Variants in PTPN14 observed in about 807,000 individuals in gnomAD.
PTPN14 encodes tyrosine-protein phosphatase non-receptor type 14.
PTPN14 carries 53 observed loss-of-function variants against 126.8 expected under a neutral mutation model. That is an observed-to-expected ratio of 0.42 (90% CI 0.34 to 0.53). PTPN14 has a LOEUF of 0.53. Among genes scored for constraint, PTPN14 ranks in the 20% least tolerant of loss-of-function variants. The probability of loss-of-function intolerance (pLI) is 0.08; values close to 1 mark genes in which losing one functional copy is unlikely to be tolerated. For missense variants in PTPN14, 1,257 were observed against 1,552.9 expected (o/e 0.81, Z 3.20); for synonymous variants, 630 against 599.3 (o/e 1.05, Z -0.75).
intron 3 of PTPN14, among the ~76,000 whole-genome samples, chr1:214,443,043 G>A (rs895628813): frequency 2.0e-5 from 3 of 152,014 alleles, no homozygotes; most frequent in South Asian, 2.1e-4. Flanking sequence ...GACTGGTCTC[G>A]AACTCCCGAC....
chr1:214,414,820 T>A, intron 3 of PTPN14, 94 bp from the exon 4 acceptor site: 1 of 985,546 alleles, frequency 1.0e-6, no homozygotes, highest in South Asian at 1.3e-5. Flanking sequence ...AAACCTTGTG[T>A]ACACAGCAGG....
chr1:214,467,976 G>T (rs1028914979), intron 1 of PTPN14, among the ~76,000 whole-genome samples: 1 of 151,684 alleles, frequency 6.6e-6, no homozygotes, highest in Non-Finnish European at 1.5e-5. Flanking sequence ...GGCTGCTGTA[G>T]AATAAAAGAG....
chr1:214,445,592 T>C (rs932187119), intron 3 of PTPN14, among the ~76,000 whole-genome samples: 3 of 151,690 alleles, frequency 2.0e-5, no homozygotes, highest in Non-Finnish European at 4.4e-5. Flanking sequence ...TTAGAAACCA[T>C]GCATGCACTC....
intron 3 of PTPN14, among the ~76,000 whole-genome samples, chr1:214,415,315 C>T (rs1199227080): frequency 6.6e-6 from 1 of 152,208 alleles, no homozygotes; most frequent in African/African-American, 2.4e-5. Flanking sequence ...CGTGCCCAAA[C>T]ACATCAAGTC....
intron 3 of PTPN14, among the ~76,000 whole-genome samples, chr1:214,437,852 G>C (rs1659954516): frequency 6.6e-6 from 1 of 152,156 alleles, no homozygotes; most frequent in Admixed American, 6.6e-5. Context: ...CAGCTGAAAA[G>C]ACATCAGGAT....
intron 1 of PTPN14, chr1:214,483,100 T>G: frequency 1.3e-6 from 2 of 1,539,496 alleles, no homozygotes. Context: ...ATTTGTCTAA[T>G]GTTTCCACAA....
chr1:214,497,745 A>G (rs1654565856), intron 1 of PTPN14, among the ~76,000 whole-genome samples: 1 of 152,190 alleles, frequency 6.6e-6, no homozygotes, highest in Non-Finnish European at 1.5e-5. Flanking sequence ...TTTTGTTTCT[A>G]ATTTCTTTTT....
Position 214,384,617 on chromosome 1 carries a change from A to T in PTPN14, c.1238T>A (p.Leu413His), listed in dbSNP as rs776001318. 9.3e-6 allele frequency: 15 copies of T among 1,613,914 alleles called. No homozygotes were observed. The highest frequency in any genetic ancestry group is 1.3e-5 in the Non-Finnish European group (15 of 1,180,036). The change falls in exon 13 of 19, where the codon CTC (leucine) becomes CAC (histidine). Residue 413 changes from leucine (L) to histidine (H), a missense_variant. Physicochemically the swap from Leu to His is moderately conservative, Grantham distance 99 (BLOSUM62 -3). Around this residue, in one of 3 missense-constraint regions of PTPN14, gnomAD observed 1,021 missense variants for 1,183.3 expected, o/e 0.86. Transcript: ENST00000366956. The surrounding 1 kb of genome is among the most constrained non-coding windows in gnomAD (Gnocchi z 5.3). ...FIQASPVSSN[L>H]SIPGSDIMRA... is the part of the protein sequence containing the mutation. The stretch of plus-strand genomic sequence containing the variant: ...CATGATGTCACTCCCAGGGATACTG[A>T]GGTTGGAGGATACAGGGGAGGCCTG...
intron 1 of PTPN14, among the ~76,000 whole-genome samples, chr1:214,515,367 TGGA>T (rs1655074114): frequency 1.3e-5 from 2 of 152,128 alleles, no homozygotes; most frequent in Admixed American, 6.5e-5. Flanking sequence ...TTTTGTTTAT[TGGA>T]GATTTGTAGT....
chr1:214,358,819 T>C (rs1455558412), intron 18 of PTPN14, among the ~76,000 whole-genome samples: 1 of 151,052 alleles, frequency 6.6e-6, no homozygotes, highest in African/African-American at 2.4e-5. Context: ...CTCGGCTCAC[T>C]GCAACCTCTG....
intron 1 of PTPN14, among the ~76,000 whole-genome samples, chr1:214,488,137 A>G (rs1433418559): frequency 6.6e-6 from 1 of 152,220 alleles, no homozygotes; most frequent in Non-Finnish European, 1.5e-5. Context: ...AAACATTAAG[A>G]GCGTCTCCAC....
intron 4 of PTPN14, among the ~76,000 whole-genome samples, 157 bp downstream of exon 4, chr1:214,414,472 A>T (rs533027104): frequency 6.2e-4 from 95 of 152,318 alleles, no homozygotes; most frequent in Middle Eastern, 6.8e-3. Context: ...ACCAAAAATC[A>T]CTAACTTTGC....
At chr1:214,377,291 CATGTTGTCACTTATAAGTGGGAGCT>C (rs1374172419) in intron 14 of PTPN14, among the ~76,000 whole-genome samples, 1 of 152,164 alleles carries the variant, frequency 6.6e-6, no homozygotes, top group Non-Finnish European at 1.5e-5. Context: ...CCAAATACTG[CATGTTGTCACTTATAAGTGGGAGCT>C]AAATGATAAG....
intron 2 of PTPN14, among the ~76,000 whole-genome samples, chr1:214,454,463 C>T (rs183329371): frequency 1.3e-5 from 2 of 152,234 alleles, no homozygotes; most frequent in East Asian, 3.9e-4. Context: ...TAAACCAGAC[C>T]TGACCTCCAC....
chr1:214,473,424 A>G (rs1446919245), intron 1 of PTPN14, among the ~76,000 whole-genome samples: 2 of 152,210 alleles, frequency 1.3e-5, no homozygotes, highest in African/African-American at 2.4e-5. Flanking sequence ...TTTAGTTCCC[A>G]TGCTATGCTA....
At chr1:214,410,818 A>AT (rs1246424125) in intron 5 of PTPN14, among the ~76,000 whole-genome samples, 1 of 151,748 alleles carries the variant, frequency 6.6e-6, no homozygotes, top group African/African-American at 2.4e-5. Flanking sequence ...CATTGTGCCT[A>AT]TTTTTTTGCT....
At position 214,423,707 on chromosome 1, in the gene PTPN14, G is replaced by A. The variant is rs369763477; in HGVS notation, c.345-8981C>T. On this transcript the variant is annotated intron_variant, in intron 3 of 18. Coordinates refer to ENST00000366956, the MANE Select transcript of PTPN14 (RefSeq NM_005401.5). ...AAAAATATCTGAGTACCTGCAGGGCGTTGTGGCTCATGCCTGTAAACCCAG... is the reference window on the plus strand; with the variant it reads ...AAAAATATCTGAGTACCTGCAGGGCATTGTGGCTCATGCCTGTAAACCCAG... 1.2e-4 allele frequency among the ~76,000 whole-genome samples: 18 copies of A among 152,058 alleles called. No homozygotes were observed. In the South Asian group the frequency reaches 1.5e-3, roughly 12 times the overall value.
chr1:214,458,911 TG>T (rs1660445137), intron 2 of PTPN14, among the ~76,000 whole-genome samples: 2 of 152,310 alleles, frequency 1.3e-5, no homozygotes, highest in East Asian at 1.9e-4. Context: ...TTAAACCCAC[TG>T]ATGCAGACAT....
At chr1:214,463,957 TG>T (rs1254635536) in intron 2 of PTPN14, among the ~76,000 whole-genome samples, 3 of 152,190 alleles carry the variant, frequency 2.0e-5, no homozygotes, top group Middle Eastern at 3.2e-3. Context: ...AGGGCTTGGC[TG>T]TCAAAAACAA....
Sources: gnomAD v4.1 joint callset for allele counts (sites outside exome capture counted in the v4.1 genomes callset) on GRCh38, gnomAD v4.1.1 for gene constraint, gnomAD v4.1.1 regional missense constraint, Gnocchi (gnomAD v3.1) non-coding constraint, MANE v1.5 for transcripts, NCBI Gene and HGNC (gene_info 2026-07-23, HGNC 2026-07-21) for gene names.